The following C16orf74 variants were observed in gnomAD, a reference collection of about 807,000 sequenced individuals.
C16orf74 encodes the protein uncharacterized protein C16orf74.
In C16orf74, 10 loss-of-function variants were observed where a neutral mutation model predicts 6.5. The ratio of observed to expected loss-of-function variants is 1.54; its 90% CI spans 0.95 to 2.61. The LOEUF (loss-of-function observed/expected upper bound fraction) is 2.61. C16orf74 is among the 30% of genes most tolerant of loss of function. The probability of loss-of-function intolerance (pLI) is 0.00; values close to 1 mark genes in which losing one functional copy is unlikely to be tolerated. For missense variants in C16orf74, 141 were observed against 105.9 expected (o/e 1.33, Z -1.45); for synonymous variants, 60 against 42.5 (o/e 1.41, Z -1.60).
intron 2 of C16orf74, among the ~76,000 whole-genome samples, chr16:85,728,020 T>A (rs1227157761): frequency 1.4e-5 from 2 of 141,232 alleles, no homozygotes; most frequent in Non-Finnish European, 1.5e-5. Context: ...ACACCTATAC[T>A]CCAGCTGCTT....
At chr16:85,729,921 C>T (rs773503293) in intron 2 of C16orf74, among the ~76,000 whole-genome samples, 1 of 152,184 alleles carries the variant, frequency 6.6e-6, no homozygotes, top group Non-Finnish European at 1.5e-5. Flanking sequence ...TTTAAGCCCC[C>T]CAGCGTGGTC....
At chr16:85,709,256 A>C (rs1279165354) in intron 3 of C16orf74, among the ~76,000 whole-genome samples, 1 of 152,206 alleles carries the variant, frequency 6.6e-6, no homozygotes, top group East Asian at 1.9e-4. Context: ...CAGGAGGCTG[A>C]GGCAGAACAA....
chr16:85,745,155 A>AAT (rs2054359619), intron 1 of C16orf74, among the ~76,000 whole-genome samples: 1 of 148,720 alleles, frequency 6.7e-6, no homozygotes, highest in African/African-American at 2.4e-5. Flanking sequence ...AAAAAAAAAA[A>AAT]AAAAAAAAAA....
intron 2 of C16orf74, among the ~76,000 whole-genome samples, chr16:85,732,665 CAAAAAAAAAAAA>C (rs66539936): frequency 4.5e-5 from 2 of 44,176 alleles, no homozygotes; most frequent in Admixed American, 3.5e-4. Flanking sequence ...GACTCTGTCT[CAAAAAAAAAAAA>C]AAAAAAAAAA....
intron 2 of C16orf74, among the ~76,000 whole-genome samples, chr16:85,716,253 G>T (rs1258904411): frequency 1.3e-5 from 2 of 151,642 alleles, no homozygotes; most frequent in Non-Finnish European, 2.9e-5. Context: ...GGGGTTGGAG[G>T]GAGAGGAGGA....
chr16:85,714,992 T>TA (rs1294632769), intron 2 of C16orf74, among the ~76,000 whole-genome samples: 1 of 150,564 alleles, frequency 6.6e-6, no homozygotes, highest in Admixed American at 6.6e-5. Context: ...CCGTCTCTAC[T>TA]AAAAATACAA....
At chr16:85,733,882 G>C (rs750471226) in intron 2 of C16orf74, among the ~76,000 whole-genome samples, 1 of 152,170 alleles carries the variant, frequency 6.6e-6, no homozygotes, top group African/African-American at 2.4e-5. Context: ...CTCCGCAAGC[G>C]GTGTTGGAGG....
Position 85,750,988 on chromosome 16 carries a change from G to C in C16orf74, c.-81C>G, listed in dbSNP as rs1463145639. 11 of 150,400 alleles carry C rather than the reference G, an allele frequency of 7.3e-5. No homozygotes were observed. Among genetic ancestry groups the C allele is most frequent in the African/African-American group, 2.7e-4 (11 of 41,282 alleles). 9.3% of individuals were successfully genotyped at this position (150,400 alleles called of 1,614,324 possible). A position where few individuals can be genotyped will look rare whatever the true frequency, so the allele number is the denominator to read the frequency against. On this transcript the variant is annotated 5_prime_UTR_variant, in exon 1 of 4. Coordinates refer to ENST00000284245, the MANE Select transcript of C16orf74 (RefSeq NM_206967.3). Reference sequence around the variant, plus strand: ...CGAGGCGCGCGAGGCCCGCCCGGGCGCTGGTGGTGGTGGCGGCGGCGGTCG... The same window carrying C: ...CGAGGCGCGCGAGGCCCGCCCGGGCCCTGGTGGTGGTGGCGGCGGCGGTCG...
intron 1 of C16orf74, among the ~76,000 whole-genome samples, chr16:85,736,381 C>A (rs979737769): frequency 6.6e-6 from 1 of 152,124 alleles, no homozygotes; most frequent in Non-Finnish European, 1.5e-5. Flanking sequence ...CCCACCCAGG[C>A]GCACAAGGCC....
At chr16:85,742,115 G>A (rs2054315469) in intron 1 of C16orf74, among the ~76,000 whole-genome samples, 1 of 152,208 alleles carries the variant, frequency 6.6e-6, no homozygotes, top group Non-Finnish European at 1.5e-5. Flanking sequence ...GCTCACGCCT[G>A]TAATCCTAGC....
chr16:85,735,802 T>A (rs937609556), intron 1 of C16orf74, among the ~76,000 whole-genome samples: 1 of 151,996 alleles, frequency 6.6e-6, no homozygotes, highest in African/African-American at 2.4e-5. Context: ...TCTCATGATG[T>A]TCCTGCAACA....
chr16:85,718,651 C>T (rs773210542), intron 2 of C16orf74, among the ~76,000 whole-genome samples: 1 of 152,230 alleles, frequency 6.6e-6, no homozygotes, highest in Non-Finnish European at 1.5e-5. Context: ...ACACTTGAGT[C>T]CTCACTCCAG....
intron 2 of C16orf74, among the ~76,000 whole-genome samples, chr16:85,715,318 G>A (rs1411000348): frequency 6.6e-6 from 1 of 152,148 alleles, no homozygotes; most frequent in Admixed American, 6.5e-5. Context: ...TACTGGGGCC[G>A]AGGCGTGCGC....
chr16:85,741,173 C>T (rs893394885), intron 1 of C16orf74, among the ~76,000 whole-genome samples: 2 of 152,244 alleles, frequency 1.3e-5, no homozygotes, highest in South Asian at 2.1e-4. Context: ...AGGATGCGGG[C>T]GGCAGCATGT....
rs979685258 is a variant in C16orf74 at position 85,708,066 on chromosome 16, A to G, written c.173T>C (p.Val58Ala). ...MMLPRDLGST[V>A]WLDETGSCPD... is the part of the protein sequence containing the mutation. ...GCACGACCCTGTCTCATCCAGCCAG[A>G]CTAGGAGAAAGAGGGGATGGACACC... The change falls in exon 4 of 4, where the codon GTC (valine) becomes GCC (alanine). Residue 58 changes from valine (V) to alanine (A), a missense_variant and splice_region_variant. Physicochemically the swap from Val to Ala is moderately conservative, Grantham distance 64 (BLOSUM62 0). Transcript: ENST00000284245. 38 of 1,553,030 alleles carry G rather than the reference A, an allele frequency of 2.4e-5. No homozygotes were observed. The Admixed American group carries it at 4.9e-4, about 20-fold the overall frequency.
chr16:85,734,697 C>G (rs530757539), intron 2 of C16orf74, among the ~76,000 whole-genome samples: 1 of 152,350 alleles, frequency 6.6e-6, no homozygotes, highest in Non-Finnish European at 1.5e-5. Flanking sequence ...GGGCCATCCA[C>G]ACACAGGACA....
intron 2 of C16orf74, among the ~76,000 whole-genome samples, chr16:85,719,057 A>C (rs981577735): frequency 6.6e-6 from 1 of 152,072 alleles, no homozygotes; most frequent in Non-Finnish European, 1.5e-5. Context: ...TCTGAATCTC[A>C]CTTCTGCTTC....
At chr16:85,749,239 T>A (rs2054408549) in intron 1 of C16orf74, among the ~76,000 whole-genome samples, 1 of 152,164 alleles carries the variant, frequency 6.6e-6, no homozygotes. Context: ...CTTGTGTCAG[T>A]GACTTTGCCT....
At chr16:85,729,861 C>T (rs567925706) in intron 2 of C16orf74, among the ~76,000 whole-genome samples, 75 of 152,206 alleles carry the variant, frequency 4.9e-4, no homozygotes, top group Middle Eastern at 3.4e-3. Context: ...GGAGGGAGGG[C>T]GGCCCTGCCA....
Sources: allele counts gnomAD v4.1 joint callset (sites outside exome capture counted in the v4.1 genomes callset), GRCh38; gene constraint gnomAD v4.1.1; transcripts MANE v1.5; gene names NCBI Gene and HGNC (gene_info 2026-07-23, HGNC 2026-07-21).